CPS1: variants seen among roughly 807,000 people sequenced by gnomAD.
CPS1 encodes carbamoyl-phosphate synthase 1.
Under a neutral mutation model 174.6 loss-of-function variants are expected in CPS1, and 109 were observed. The observed-to-expected ratio is 0.62, with a 90% CI of 0.53 to 0.73. The LOEUF is 0.73. Ranked by LOEUF, CPS1 falls within the 30% of genes least tolerant of loss-of-function variation. CPS1 has a pLI of 0.00. For synonymous variants in CPS1, 637 were observed against 632.0 expected, an observed-to-expected ratio of 1.01 and a Z score of -0.12; for missense variants, 1,689 against 1,821.9, an observed-to-expected ratio of 0.93 and a Z score of 1.33.
chr2:210,596,559 ATTTGTT>A (rs1191410344), intron 13 of CPS1, among the ~76,000 whole-genome samples: 2 of 151,704 alleles, frequency 1.3e-5, no homozygotes, highest in African/African-American at 4.8e-5. Flanking sequence ...TCTTTTTCCC[ATTTGTT>A]TTTATTTTTT....
At chr2:210,479,565 G>C (rs889586656) in intron 1 of CPS1, among the ~76,000 whole-genome samples, 11 of 152,254 alleles carry the variant, frequency 7.2e-5, no homozygotes, top group Non-Finnish European at 1.3e-4. Flanking sequence ...CTGACCTCAA[G>C]TGATATGCCT....
Position 210,654,054 on chromosome 2 carries a change from T to C in CPS1, c.3510T>C (p.Val1170=). 1 of 1,614,080 alleles carries C rather than the reference T, an allele frequency of 6.2e-7. No individual in the cohort carries two copies. Among genetic ancestry groups the C allele is most frequent in the Non-Finnish European group, 8.5e-7 (1 of 1,179,924 alleles). The change falls in exon 29 of 38, where the codon GTT becomes GTC. Residue 1170 remains valine (V), a synonymous_variant. Transcript: ENST00000233072. ...QEHPVVLTKF[V]EGAREVEMDA... ...ACCCAGTGGTGCTGACAAAATTTGTTGAAGGGGCCCGAGAAGTAGAAATGG... is the reference window on the plus strand; with the variant it reads ...ACCCAGTGGTGCTGACAAAATTTGTCGAAGGGGCCCGAGAAGTAGAAATGG...
chr2:210,620,055 T>C (rs1374399473), intron 21 of CPS1, among the ~76,000 whole-genome samples: 1 of 152,020 alleles, frequency 6.6e-6, no homozygotes, highest in Admixed American at 6.6e-5. Context: ...GCATGTTCTG[T>C]ACATGTATCC....
chr2:210,519,969 A>T (rs886779447), intron 1 of CPS1, among the ~76,000 whole-genome samples: 5 of 151,992 alleles, frequency 3.3e-5, no homozygotes, highest in Admixed American at 6.6e-5. Context: ...AAACACATCT[A>T]TATGCTTATT....
At chr2:210,524,866 T>C (rs1270335222) in intron 1 of CPS1, among the ~76,000 whole-genome samples, 1 of 152,044 alleles carries the variant, frequency 6.6e-6, no homozygotes, top group African/African-American at 2.4e-5. Context: ...TCAGTGTTTC[T>C]TGTTTAAGTT....
chr2:210,552,024 C>T (rs774914824), upstream of CPS1, among the ~76,000 whole-genome samples: 4 of 151,912 alleles, frequency 2.6e-5, no homozygotes, highest in Non-Finnish European at 5.9e-5. Flanking sequence ...CTCAGAGATG[C>T]CTTCTTCATC....
rs1698633555 is a variant in CPS1, at chr2:210,599,530, G to A, written c.1518G>A (p.Leu506=). ...CAGAACAGCCAGATGGGTTAATTCT[G>A]GGCATGGGTGGCCAGACAGCTCTGA... ...IKAEQPDGLI[L]GMGGQTALNC... Residue 506 remains leucine, a synonymous_variant, in exon 14 of 38, where the codon CTG becomes CTA. Coordinates refer to ENST00000233072, the MANE Select transcript of CPS1 (RefSeq NM_001875.5). 1 of 1,612,414 alleles carries A rather than the reference G, an allele frequency of 6.2e-7. No homozygotes were observed. The highest frequency in any genetic ancestry group is 8.5e-7 in the Non-Finnish European group (1 of 1,178,956).
In CPS1 at chr2:210,491,307, GTTTTTTTTTTTTTTTT is replaced by G. The variant is rs66825517; in HGVS notation, c.3+13557_3+13572del. Among the ~76,000 whole-genome samples, 18 of 50,354 alleles carry G rather than the reference GTTTTTTTTTTTTTTTT, an allele frequency of 3.6e-4. 1 individual carries two copies. The South Asian group carries it at 4.1e-3, about 12-fold the overall frequency. 33.0% of individuals were successfully genotyped at this position (50,354 alleles called of 152,430 possible). A position where few individuals can be genotyped will look rare whatever the true frequency, so the allele number is the denominator to read the frequency against. On this transcript the variant is annotated intron_variant, in intron 1 of 38. Transcript: ENST00000430249. ...GTAAAAGCATGTATTTGGTATCTGT[GTTTTTTTTTTTTTTTT>G]TTTTTTTTTTTTTTTGAGACGGAGT... is the stretch of plus-strand genomic sequence containing the variant.
intron 1 of CPS1, among the ~76,000 whole-genome samples, chr2:210,507,069 G>A (rs375720735): frequency 6.6e-6 from 1 of 152,214 alleles, no homozygotes; most frequent in East Asian, 1.9e-4. Context: ...CCAAGACACA[G>A]AATTGTCAGA....
intron 32 of CPS1, among the ~76,000 whole-genome samples, chr2:210,662,500 G>A (rs544451517): frequency 1.3e-5 from 2 of 152,132 alleles, no homozygotes; most frequent in African/African-American, 2.4e-5. Flanking sequence ...GACACATAGC[G>A]AGAAACAAGA....
At chr2:210,494,294 T>C (rs2105954751) in intron 1 of CPS1, among the ~76,000 whole-genome samples, 1 of 152,338 alleles carries the variant, frequency 6.6e-6, no homozygotes, top group South Asian at 2.1e-4. Context: ...GATGCAAACA[T>C]ATTTTTTAAA....
chr2:210,581,942 C>T (rs558952165), intron 5 of CPS1, among the ~76,000 whole-genome samples: 1 of 152,112 alleles, frequency 6.6e-6, no homozygotes, highest in East Asian at 1.9e-4. Context: ...CTAAGTAGTT[C>T]AAAGCAGACT....
At chr2:210,501,231 A>G (rs1695131330) in intron 1 of CPS1, among the ~76,000 whole-genome samples, 1 of 152,104 alleles carries the variant, frequency 6.6e-6, no homozygotes, top group Admixed American at 6.5e-5. Context: ...AGGGGCTGCC[A>G]TGAAGGTCAC....
chr2:210,551,826 A>G (rs1200406291), upstream of CPS1, among the ~76,000 whole-genome samples: 1 of 151,960 alleles, frequency 6.6e-6, no homozygotes, highest in African/African-American at 2.4e-5. Flanking sequence ...GTTAGTTTGA[A>G]CCCTCATCAT....
intron 1 of CPS1, among the ~76,000 whole-genome samples, chr2:210,495,680 C>G (rs1372704787): frequency 6.6e-6 from 1 of 152,134 alleles, no homozygotes; most frequent in South Asian, 2.1e-4. Context: ...CATATTTAAT[C>G]TACTCTGGAG....
chr2:210,484,115 A>G (rs1200347288), intron 1 of CPS1, among the ~76,000 whole-genome samples: 3 of 152,176 alleles, frequency 2.0e-5, no homozygotes, highest in Non-Finnish European at 2.9e-5. Flanking sequence ...ATGGTGGGAG[A>G]GTCACCTTAC....
chr2:210,594,323 A>G (rs1167906672), intron 11 of CPS1, among the ~76,000 whole-genome samples, 185 bp from the exon 12 acceptor site: 1 of 151,954 alleles, frequency 6.6e-6, no homozygotes, highest in Non-Finnish European at 1.5e-5. Flanking sequence ...AGAAGTGTTT[A>G]TTTGATTAAA....
chr2:210,588,146 AG>A lies in CPS1; in HGVS notation c.711+1del. ...AACAATGTAATCCGCCTGCTAGTAA[AG>A]GTAAGTAATTTGTTCATTTCAAAGG... Reference protein sequence around the residue: ...IKNNVIRLLVKRGAEVHLVPW... With the variant: ...IKNNVIRLLVXRGAEVHLVPW... On this transcript the variant is annotated frameshift_variant and splice_region_variant, in exon 7 of 38. Transcript: ENST00000233072. LOFTEE classifies it high-confidence loss of function. The A allele has an allele frequency of 6.2e-7, 1 of 1,612,028 alleles. No individual in the cohort carries two copies. The highest frequency in any genetic ancestry group is 8.5e-7 in the Non-Finnish European group (1 of 1,178,448).
chr2:210,505,711 G>A lies in CPS1; in HGVS notation c.3+27945G>A, dbSNP rs112614616. On this transcript the variant is annotated intron_variant, in intron 1 of 38. Coordinates refer to the CPS1 transcript ENST00000430249. ...ACCCTAACACTTTGCTTTTCCAACC[G>A]TCTTAGCAAACGGCACACCAGGAGA... Among the ~76,000 whole-genome samples the A allele has an allele frequency of 1.3e-3, 204 of 152,280 alleles. 1 individual carries two copies. The East Asian group carries it at 0.016, about 12-fold the overall frequency.
Sources: allele counts gnomAD v4.1 joint callset (sites outside exome capture counted in the v4.1 genomes callset), GRCh38; gene constraint gnomAD v4.1.1; transcripts MANE v1.5; gene names NCBI Gene and HGNC (gene_info 2026-07-23, HGNC 2026-07-21).